DENND2B: variants seen among roughly 807,000 people sequenced by gnomAD.
The protein encoded by DENND2B is DENN domain containing 2B, also known as DENN domain-containing protein 2B.
Under a neutral mutation model 116.0 loss-of-function variants are expected in DENND2B, and 32 were observed. The observed-to-expected ratio is 0.28, with a 90% CI of 0.21 to 0.37. The LOEUF (loss-of-function observed/expected upper bound fraction) is 0.37. Ranked by LOEUF, DENND2B falls within the 10% of genes least tolerant of loss-of-function variation. The probability of loss-of-function intolerance (pLI) is 1.00; values close to 1 mark genes in which losing one functional copy is unlikely to be tolerated. For missense variants in DENND2B, 1,276 were observed against 1,477.7 expected, an observed-to-expected ratio of 0.86 and a Z score of 2.24; for synonymous variants, 588 against 583.9, an observed-to-expected ratio of 1.01 and a Z score of -0.10.
At position 8,805,028 on chromosome 11, in the gene DENND2B, T is replaced by C. The variant is rs117818156; in HGVS notation, c.-26+5489A>G. 6.3e-3 allele frequency among the ~76,000 whole-genome samples: 964 copies of C among 152,312 alleles called. 6 individuals carry two copies. Among genetic ancestry groups the C allele is most frequent in the Non-Finnish European group, 9.4e-3 (640 of 68,024 alleles). ...TACAGGTATCATTTCATTTAATCCT[T>C]ACCACAACTCTATCAAGTCAAGTAC... On this transcript the variant is annotated intron_variant, in intron 1 of 19. Coordinates refer to ENST00000313726, the MANE Select transcript of DENND2B (RefSeq NM_213618.2).
intron 2 of DENND2B, among the ~76,000 whole-genome samples, chr11:8,737,982 C>T (rs2049404610): frequency 6.6e-6 from 1 of 151,592 alleles, no homozygotes. Flanking sequence ...GTCCTGGCCT[C>T]CAGTGATCCT....
chr11:8,758,835 T>A (rs543852744), intron 1 of DENND2B, among the ~76,000 whole-genome samples: 16 of 152,210 alleles, frequency 1.1e-4, no homozygotes, highest in African/African-American at 3.9e-4. Context: ...CAGGTAAGTG[T>A]CGCAGCTCTC....
intron 5 of DENND2B, among the ~76,000 whole-genome samples, chr11:8,717,007 TATC>T (rs929247665): frequency 2.0e-5 from 3 of 152,218 alleles, no homozygotes; most frequent in African/African-American, 7.2e-5. Context: ...ATTTTTATAT[TATC>T]ATTTTATATT....
intron 2 of DENND2B, among the ~76,000 whole-genome samples, chr11:8,861,922 A>C (rs529394855): frequency 6.6e-6 from 1 of 152,286 alleles, no homozygotes; most frequent in African/African-American, 2.4e-5. Flanking sequence ...GTGAAGTAAC[A>C]CAGGAATGCA....
chr11:8,769,016 A>C (rs906218088), intron 1 of DENND2B, among the ~76,000 whole-genome samples: 8 of 152,160 alleles, frequency 5.3e-5, no homozygotes, highest in African/African-American at 1.9e-4. Context: ...GAAGCTCCAG[A>C]GAATACTGTA....
chr11:8,797,076 G>C (rs1398052946), intron 1 of DENND2B, among the ~76,000 whole-genome samples: 1 of 152,194 alleles, frequency 6.6e-6, no homozygotes, highest in Non-Finnish European at 1.5e-5. Context: ...ATACCAACCA[G>C]AGTGGAAGTG....
chr11:8,885,583 C>A (rs898783168), intron 1 of DENND2B, among the ~76,000 whole-genome samples: 17 of 152,178 alleles, frequency 1.1e-4, no homozygotes, highest in Non-Finnish European at 2.4e-4. Context: ...AGCTATAATA[C>A]ATTCCTGCAT....
rs146244398 is a variant in DENND2B at position 8,906,283 on chromosome 11, G to T, written c.-256+4538C>A. Among the ~76,000 whole-genome samples the T allele has an allele frequency of 3.3e-4, 45 of 138,066 alleles. No individual in the cohort carries two copies. The East Asian group carries it at 9.2e-3, about 28-fold the overall frequency. The allele number at this position is 138,066 out of a possible 152,430, so 90.6% of individuals were successfully genotyped here. A position where few individuals can be genotyped will look rare whatever the true frequency, so the allele number is the denominator to read the frequency against. Reference sequence around the variant, plus strand: ...TGCAGTGGCGCGACCTTGGCTCACTGCAAGCTCTGCCTCTCAGGTTCACGC... The same window carrying T: ...TGCAGTGGCGCGACCTTGGCTCACTTCAAGCTCTGCCTCTCAGGTTCACGC... On this transcript the variant is annotated intron_variant, in intron 1 of 22. Transcript: ENST00000534127.
At chr11:8,765,139 C>A (rs1227558310) in intron 1 of DENND2B, among the ~76,000 whole-genome samples, 1 of 152,072 alleles carries the variant, frequency 6.6e-6, no homozygotes, top group Non-Finnish European at 1.5e-5. Flanking sequence ...CTCACACACA[C>A]AGACCCTGGT....
At chr11:8,737,162 A>C (rs529774031) in intron 2 of DENND2B, among the ~76,000 whole-genome samples, 1 of 152,292 alleles carries the variant, frequency 6.6e-6, no homozygotes, top group Non-Finnish European at 1.5e-5. Context: ...CTGGGTTATA[A>C]ATTTCAATAT....
At chr11:8,737,615 T>C (rs140868971) in intron 2 of DENND2B, among the ~76,000 whole-genome samples, 2 of 152,152 alleles carry the variant, frequency 1.3e-5, no homozygotes, top group Non-Finnish European at 2.9e-5. Flanking sequence ...AGAAATGGGA[T>C]GGTAGCTGGA....
intron 1 of DENND2B, among the ~76,000 whole-genome samples, chr11:8,787,775 T>A (rs1038544421): frequency 3.3e-5 from 5 of 152,254 alleles, no homozygotes; most frequent in African/African-American, 1.2e-4. Context: ...TCAGTGATGA[T>A]CATTCTCAAA....
intron 1 of DENND2B, among the ~76,000 whole-genome samples, chr11:8,806,634 A>ACACACACACACACACACACC (rs1442850134): frequency 6.6e-6 from 1 of 151,682 alleles, no homozygotes; most frequent in Admixed American, 6.6e-5. Flanking sequence ...ACACACACAC[A>ACACACACACACACACACACC]CACACCCAGG....
intron 13 of DENND2B, among the ~76,000 whole-genome samples, chr11:8,706,593 C>A (rs1010479412): frequency 6.6e-6 from 1 of 152,160 alleles, no homozygotes; most frequent in Non-Finnish European, 1.5e-5. Flanking sequence ...TTCCCTGGCC[C>A]CTTATTTAAA....
intron 1 of DENND2B, among the ~76,000 whole-genome samples, chr11:8,900,363 T>C (rs1460100674): frequency 7.6e-6 from 1 of 131,098 alleles, no homozygotes; most frequent in Non-Finnish European, 1.6e-5. Flanking sequence ...ACCCGGGAGG[T>C]GGAGCTTGCA....
chr11:8,799,650 C>A (rs1235812667), intron 1 of DENND2B, among the ~76,000 whole-genome samples: 3 of 146,882 alleles, frequency 2.0e-5, no homozygotes, highest in Admixed American at 1.4e-4. Flanking sequence ...GTGATCATTG[C>A]GCAGGACAGC....
chr11:8,855,233 G>A (rs1442064887), intron 3 of DENND2B, among the ~76,000 whole-genome samples: 1 of 151,610 alleles, frequency 6.6e-6, no homozygotes, highest in East Asian at 2.0e-4. Context: ...GAAAAGAAGA[G>A]AACAGCAAAC....
Position 8,864,899 on chromosome 11 carries a change from G to A in DENND2B, c.-250+6055C>T, listed in dbSNP as rs1450244275. 3.3e-5 allele frequency among the ~76,000 whole-genome samples: 5 copies of A among 152,026 alleles called. No homozygotes were observed. The East Asian group carries it at 5.8e-4, about 18-fold the overall frequency. ...ATTTAAAAAATCTAAATTCAAACTT[G>A]TCCTTGGCTAAATTTACATCCAAGA... is the stretch of plus-strand genomic sequence containing the variant. On this transcript the variant is annotated intron_variant, in intron 2 of 6. Coordinates refer to the DENND2B transcript ENST00000524757.
intron 3 of DENND2B, among the ~76,000 whole-genome samples, chr11:8,729,341 C>T (rs2047681024): frequency 6.6e-6 from 1 of 152,168 alleles, no homozygotes; most frequent in South Asian, 2.1e-4. Flanking sequence ...CTGAGACTGA[C>T]CAGGAAACCA....
Sources: gnomAD v4.1 joint callset for allele counts (sites outside exome capture counted in the v4.1 genomes callset) on GRCh38, gnomAD v4.1.1 for gene constraint, MANE v1.5 for transcripts, NCBI Gene and HGNC (gene_info 2026-07-23, HGNC 2026-07-21) for gene names.